Variants in NUS1 observed in about 807,000 individuals in gnomAD.
The protein encoded by NUS1 is NUS1 dehydrodolichyl diphosphate synthase subunit.
For missense variants in NUS1, 292 were observed against 382.9 expected (o/e 0.76, Z 1.98); for synonymous variants, 135 against 155.2 (o/e 0.87, Z 0.97).
intron 1 of NUS1, among the ~76,000 whole-genome samples, chr6:117,691,380 T>A (rs560551658): frequency 5.9e-5 from 9 of 152,018 alleles, no homozygotes; most frequent in Non-Finnish European, 1.3e-4. Flanking sequence ...AAGCATTTTT[T>A]CCCACCTGAT....
At chr6:117,684,732 G>A (rs1341414105) in intron 1 of NUS1, among the ~76,000 whole-genome samples, 1 of 152,180 alleles carries the variant, frequency 6.6e-6, no homozygotes, top group Non-Finnish European at 1.5e-5. Context: ...TGACTGCTGA[G>A]AGAATATGCA....
chr6:117,693,718 G>A (rs1441239103), intron 2 of NUS1, among the ~76,000 whole-genome samples: 4 of 152,062 alleles, frequency 2.6e-5, no homozygotes, highest in African/African-American at 7.2e-5. Context: ...TTTTAGATGC[G>A]TGAAAATTTG....
At chr6:117,706,521 A>G (rs768697474) in intron 4 of NUS1, among the ~76,000 whole-genome samples, 3 of 152,210 alleles carry the variant, frequency 2.0e-5, no homozygotes, top group Non-Finnish European at 2.9e-5. Context: ...AAAGAGGCAT[A>G]TTAATTTTTT....
At chr6:117,697,830 C>T (rs577273827) in intron 3 of NUS1, among the ~76,000 whole-genome samples, 1 of 152,078 alleles carries the variant, frequency 6.6e-6, no homozygotes, top group Non-Finnish European at 1.5e-5. Flanking sequence ...ATTTACAAAA[C>T]ATTTTATCCA....
At chr6:117,678,740 G>C (rs1773020355) in intron 1 of NUS1, among the ~76,000 whole-genome samples, 1 of 147,776 alleles carries the variant, frequency 6.8e-6, no homozygotes, top group African/African-American at 2.5e-5. Context: ...GAGTGCAGTG[G>C]TGTAATCTAG....
At chr6:117,694,312 G>A in intron 3 of NUS1, 132 bp downstream of exon 3, 2 of 438,386 alleles carry the variant, frequency 4.6e-6, no homozygotes, top group Non-Finnish European at 7.7e-6. Context: ...TTCTTTTGTT[G>A]TTAATACCTG....
intron 1 of NUS1, among the ~76,000 whole-genome samples, chr6:117,684,020 C>T (rs1419303786): frequency 6.6e-6 from 1 of 152,172 alleles, no homozygotes; most frequent in Non-Finnish European, 1.5e-5. Context: ...ACTCTGTTTT[C>T]TTCTAATCCA....
intron 1 of NUS1, among the ~76,000 whole-genome samples, chr6:117,686,089 G>A (rs1018530887): frequency 4.6e-5 from 7 of 151,710 alleles, no homozygotes; most frequent in Admixed American, 3.3e-4. Context: ...GTGAAACCCC[G>A]TCTCTACTAA....
intron 1 of NUS1, among the ~76,000 whole-genome samples, chr6:117,683,726 C>T (rs957285120): frequency 1.3e-5 from 2 of 152,072 alleles, no homozygotes. Flanking sequence ...TAAATAATCA[C>T]AGTAAAAATT....
Position 117,694,191 on chromosome 6 carries a change from TTA to T in NUS1, c.691+22_691+23del, listed in dbSNP as rs770616856. 73 of 1,491,326 alleles carry T rather than the reference TTA, an allele frequency of 4.9e-5. No individual in the cohort carries two copies. Among genetic ancestry groups the T allele is most frequent in the South Asian group, 9.8e-5 (8 of 81,478 alleles). The allele number at this position is 1,491,326 out of a possible 1,614,324, so 92.4% of individuals were successfully genotyped here. A position where few individuals can be genotyped will look rare whatever the true frequency, so the allele number is the denominator to read the frequency against. ...TAGCCAGTTTACTTAGTAAGTTTTT[TTA>T]TATATATATACATATATATGTATAT... On this transcript the variant is annotated intron_variant, in intron 3 of 4. Coordinates refer to ENST00000368494, the MANE Select transcript of NUS1 (RefSeq NM_138459.5).
chr6:117,682,401 A>G (rs939820020), intron 1 of NUS1, among the ~76,000 whole-genome samples: 1 of 152,106 alleles, frequency 6.6e-6, no homozygotes, highest in Non-Finnish European at 1.5e-5. Flanking sequence ...GGAGTTTAAG[A>G]CCAGCCTGGG....
rs1361735334 is a variant in NUS1, at chr6:117,675,950, T to C, written c.280T>C (p.Leu94=). ...GCGCTGGCGCGCGGACGGTCGTTCC[T>C]TGGAGAAGCTGCCTGTGCATATGGG... ...RMRWRADGRS[L]EKLPVHMGLV... Residue 94 remains leucine (L), a synonymous_variant, in exon 1 of 5, where the codon TTG becomes CTG. Coordinates refer to ENST00000368494, the MANE Select transcript of NUS1 (RefSeq NM_138459.5). 20 of 1,547,064 alleles carry C rather than the reference T, an allele frequency of 1.3e-5. No homozygotes were observed. The highest frequency in any genetic ancestry group is 2.0e-5 in the Admixed American group (1 of 50,946).
intron 1 of NUS1, among the ~76,000 whole-genome samples, chr6:117,687,253 C>T (rs1289861333): frequency 6.6e-6 from 1 of 152,116 alleles, no homozygotes; most frequent in African/African-American, 2.4e-5. Flanking sequence ...AAATTCCATT[C>T]AGTGACATGT....
At chr6:117,685,487 T>C (rs1188920980) in intron 1 of NUS1, among the ~76,000 whole-genome samples, 1 of 151,868 alleles carries the variant, frequency 6.6e-6, no homozygotes, top group Admixed American at 6.6e-5. Flanking sequence ...GCCTCCTGAG[T>C]AGGTTGTACT....
chr6:117,687,992 G>C (rs1019747890), intron 1 of NUS1, among the ~76,000 whole-genome samples: 1 of 152,090 alleles, frequency 6.6e-6, no homozygotes, highest in Non-Finnish European at 1.5e-5. Context: ...GAGGAGGAAG[G>C]ATCACTTGAG....
At chr6:117,697,752 TAGAG>T (rs1773342129) in intron 3 of NUS1, among the ~76,000 whole-genome samples, 1 of 151,892 alleles carries the variant, frequency 6.6e-6, no homozygotes, top group Non-Finnish European at 1.5e-5. Flanking sequence ...ACTAGACAGA[TAGAG>T]ACAGAAAATC....
At chr6:117,696,741 T>C (rs72951512) in intron 3 of NUS1, among the ~76,000 whole-genome samples, 8,046 of 152,184 alleles carry the variant, frequency 0.053, 224 homozygotes, top group Middle Eastern at 0.12. Flanking sequence ...AGAGATTTTA[T>C]CAGCACCACA....
In NUS1 at chr6:117,679,053, A is replaced by G. The variant is rs73766266; in HGVS notation, c.415+2968A>G. 9.2e-3 allele frequency among the ~76,000 whole-genome samples: 1,396 copies of G among 152,326 alleles called. 27 individuals carry two copies. Among genetic ancestry groups the G allele is most frequent in the African/African-American group, 0.032 (1,343 of 41,564 alleles). ...TAGATATTTAACTATGAAAAATCCT[A>G]TTGACATACTCGTAAATGCCACTGG... is the stretch of plus-strand genomic sequence containing the variant. On this transcript the variant is annotated intron_variant, in intron 1 of 4. Transcript: ENST00000368494.
chr6:117,693,503 A>G (rs1247551241), intron 2 of NUS1, among the ~76,000 whole-genome samples: 1 of 152,220 alleles, frequency 6.6e-6, no homozygotes, highest in Non-Finnish European at 1.5e-5. Flanking sequence ...TTGCTGGACA[A>G]GAAAGAATTT....
Sources: gnomAD v4.1 joint callset for allele counts (sites outside exome capture counted in the v4.1 genomes callset) on GRCh38, gnomAD v4.1.1 for gene constraint, MANE v1.5 for transcripts, NCBI Gene and HGNC (gene_info 2026-07-23, HGNC 2026-07-21) for gene names.